SIMC1: variants seen among roughly 807,000 people sequenced by gnomAD.
The protein encoded by SIMC1 is SUMO-interacting motif-containing protein 1.
SIMC1 carries 55 observed loss-of-function variants against 82.3 expected under a neutral mutation model. The observed-to-expected ratio is 0.67, with a 90% confidence interval of 0.54 to 0.84. The LOEUF (loss-of-function observed/expected upper bound fraction) is 0.84, where lower values mean the gene tolerates loss of function less well. Among genes scored for constraint, SIMC1 ranks in the 40% least tolerant of loss-of-function variants. The pLI, the probability that SIMC1 is intolerant of heterozygous loss-of-function variation, is 0.00. For missense variants in SIMC1, 915 were observed against 1,107.2 expected (o/e 0.83, Z 2.46); for synonymous variants, 353 against 426.3 (o/e 0.83, Z 2.12).
chr5:176,244,719 CTT>C (rs1177032281), intron 1 of SIMC1, among the ~76,000 whole-genome samples: 16 of 114,476 alleles, frequency 1.4e-4, no homozygotes, highest in East Asian at 2.5e-4. Context: ...TTTTTTTTTC[CTT>C]TTTTTTTTTT....
chr5:176,267,868 G>T (rs1762264659), intron 1 of SIMC1, among the ~76,000 whole-genome samples: 1 of 119,348 alleles, frequency 8.4e-6, no homozygotes, highest in Non-Finnish European at 1.6e-5. Flanking sequence ...CAATCCTCTT[G>T]ACTCAGCCCC....
intron 1 of SIMC1, among the ~76,000 whole-genome samples, chr5:176,259,782 AATAATC>A (rs1377878044): frequency 6.6e-6 from 1 of 151,498 alleles, no homozygotes; most frequent in African/African-American, 2.4e-5. Context: ...CAAAAATAAT[AATAATC>A]ATAAACTGTA....
Position 176,269,013 on chromosome 5 carries a change from A to AT in SIMC1, c.130-20640dup, listed in dbSNP as rs552196741. 4.1e-3 allele frequency among the ~76,000 whole-genome samples: 624 copies of AT among 152,324 alleles called. 3 individuals are homozygous for AT. Among genetic ancestry groups the AT allele is most frequent in the African/African-American group, 0.014 (585 of 41,568 alleles). ...TAAATTTGAACCACATGATAATAAA[A>AT]TGACTACATATTAAAAATTGTGTCC... is the stretch of plus-strand genomic sequence containing the variant. On this transcript the variant is annotated intron_variant, in intron 1 of 9. Transcript: ENST00000429602.
At chr5:176,284,503 T>C (rs1429477076) in intron 1 of SIMC1, among the ~76,000 whole-genome samples, 1 of 152,112 alleles carries the variant, frequency 6.6e-6, no homozygotes, top group Non-Finnish European at 1.5e-5. Flanking sequence ...CATACCAGAA[T>C]CTCTGGGATA....
intron 4 of SIMC1, among the ~76,000 whole-genome samples, chr5:176,304,913 C>T (rs1446200664): frequency 1.4e-5 from 2 of 139,288 alleles, no homozygotes; most frequent in Non-Finnish European, 3.2e-5. Context: ...CTCTGCCCGG[C>T]CGCCCCGTCT....
chr5:176,323,261 A>G (rs1305988239), intron 6 of SIMC1, among the ~76,000 whole-genome samples: 2 of 152,232 alleles, frequency 1.3e-5, no homozygotes, highest in African/African-American at 4.8e-5. Flanking sequence ...AAGGCCCTAA[A>G]GTAGCATTCT....
chr5:176,254,963 G>A (rs937796928), intron 1 of SIMC1, among the ~76,000 whole-genome samples: 28 of 152,068 alleles, frequency 1.8e-4, no homozygotes, highest in African/African-American at 6.7e-4. Flanking sequence ...TTTCCTTAAA[G>A]CTAGAAAACA....
At chr5:176,272,442 T>C (rs1762485755) in intron 1 of SIMC1, among the ~76,000 whole-genome samples, 1 of 151,334 alleles carries the variant, frequency 6.6e-6, no homozygotes, top group Non-Finnish European at 1.5e-5. Flanking sequence ...ACAACACATA[T>C]ATAGAAATGT....
intron 1 of SIMC1, among the ~76,000 whole-genome samples, chr5:176,242,679 A>G (rs1201989779): frequency 2.0e-5 from 3 of 152,124 alleles, no homozygotes; most frequent in African/African-American, 7.3e-5. Flanking sequence ...GAAATTGTGC[A>G]TTAATATTCT....
At chr5:176,261,258 C>G (rs1482259738) in intron 1 of SIMC1, 5 of 152,108 alleles carry the variant, frequency 3.3e-5, no homozygotes, top group Non-Finnish European at 7.3e-5. Context: ...CCGCCCACCT[C>G]AGCCTCCTAA....
chr5:176,342,473 A>G (rs1207258443), intron 9 of SIMC1, among the ~76,000 whole-genome samples: 1 of 152,178 alleles, frequency 6.6e-6, no homozygotes, highest in Non-Finnish European at 1.5e-5. Flanking sequence ...ATTGCCTTCC[A>G]TGGATGCCAT....
At chr5:176,340,270 A>G (rs1766077549) in intron 9 of SIMC1, among the ~76,000 whole-genome samples, 1 of 152,192 alleles carries the variant, frequency 6.6e-6, no homozygotes, top group Admixed American at 6.5e-5. Flanking sequence ...TGGGCTGTCA[A>G]TTGAGCTCAT....
chr5:176,288,746 T>C (rs1481396727), intron 1 of SIMC1, among the ~76,000 whole-genome samples: 1 of 152,190 alleles, frequency 6.6e-6, no homozygotes, highest in Non-Finnish European at 1.5e-5. Context: ...GCATGGTAGC[T>C]GTGATAGCAG....
rs559060877 is a variant in SIMC1 at position 176,295,207 on chromosome 5, T to C, written c.1609T>C (p.Ser537Pro). The C allele has an allele frequency of 2.5e-6, 4 of 1,613,526 alleles. No homozygotes were observed. In the East Asian group the frequency reaches 6.7e-5, roughly 27 times the overall value. ...HIIQKILLSG[S>P]ETVDVLKEAY... ...CATCCAGAAAATCTTGCTCAGTGGCTCTGAGACTGTGGATGTCCTAAAGGA... is the reference window on the plus strand; with the variant it reads ...CATCCAGAAAATCTTGCTCAGTGGCCCTGAGACTGTGGATGTCCTAAAGGA... Residue 537 changes from serine (S) to proline (P), a missense_variant, in exon 3 of 10, where the codon TCT becomes CCT. Ser to Pro is a moderately conservative substitution (Grantham distance 74). This residue lies in a region of SIMC1 where 902 missense variants were observed against 1,040.3 expected (regional missense o/e 0.87). Transcript: ENST00000429602.
At chr5:176,325,302 G>A (rs1258243714) in intron 7 of SIMC1, among the ~76,000 whole-genome samples, 1 of 152,008 alleles carries the variant, frequency 6.6e-6, no homozygotes, top group African/African-American at 2.4e-5. Flanking sequence ...CACGAAAATC[G>A]CTTGAACCAG....
intron 9 of SIMC1, among the ~76,000 whole-genome samples, chr5:176,340,422 AAT>A (rs1486042582): frequency 6.6e-6 from 1 of 152,196 alleles, no homozygotes; most frequent in African/African-American, 2.4e-5. Flanking sequence ...TTGAACATAT[AAT>A]ATTTCAATGA....
At chr5:176,252,478 G>C (rs1422649981) in intron 1 of SIMC1, among the ~76,000 whole-genome samples, 1 of 151,850 alleles carries the variant, frequency 6.6e-6, no homozygotes, top group African/African-American at 2.4e-5. Context: ...CGGCTGGGCA[G>C]AGGCGCTCCT....
chr5:176,299,496 T>A (rs1763952752), intron 4 of SIMC1, among the ~76,000 whole-genome samples: 1 of 152,004 alleles, frequency 6.6e-6, no homozygotes, highest in Admixed American at 6.6e-5. Context: ...TATACTAATA[T>A]AAGACAAAAA....
intron 1 of SIMC1, among the ~76,000 whole-genome samples, chr5:176,287,128 G>A (rs1763326105): frequency 6.6e-6 from 1 of 152,094 alleles, no homozygotes; most frequent in Admixed American, 6.6e-5. Flanking sequence ...CCCATTACTG[G>A]GTATATACCC....
Sources: gnomAD v4.1 joint callset for allele counts (sites outside exome capture counted in the v4.1 genomes callset) on GRCh38, gnomAD v4.1.1 for gene constraint, gnomAD v4.1.1 regional missense constraint, MANE v1.5 for transcripts, NCBI Gene and HGNC (gene_info 2026-07-23, HGNC 2026-07-21) for gene names.